AGPS: variants seen among roughly 807,000 people sequenced by gnomAD.
AGPS encodes alkylglycerone phosphate synthase, also known as alkyldihydroxyacetonephosphate synthase, peroxisomal.
A neutral mutation model predicts 90.7 loss-of-function variants in AGPS; 26 were observed. The observed-to-expected ratio is 0.29, with a 90% confidence interval of 0.21 to 0.40. AGPS has a LOEUF of 0.40. AGPS is among the 10% of genes least tolerant of loss of function. The pLI, the probability that AGPS is intolerant of heterozygous loss-of-function variation, is 1.00. For synonymous variants in AGPS, 294 were observed against 285.3 expected (o/e 1.03, Z -0.31); for missense variants, 540 against 816.1 (o/e 0.66, Z 4.12).
At chr2:177,451,184 C>G (rs1686938069) in intron 8 of AGPS, among the ~76,000 whole-genome samples, 1 of 151,838 alleles carries the variant, frequency 6.6e-6, no homozygotes, top group African/African-American at 2.4e-5. Context: ...TGGTCTCAAA[C>G]TTCTCGCTTC....
intron 12 of AGPS, among the ~76,000 whole-genome samples, chr2:177,495,417 C>T (rs1249975137): frequency 1.3e-5 from 2 of 152,112 alleles, no homozygotes; most frequent in East Asian, 1.9e-4. Context: ...ACAAATCATA[C>T]GTGGTAGAGC....
intron 10 of AGPS, among the ~76,000 whole-genome samples, chr2:177,477,679 T>G (rs1474574605): frequency 1.3e-5 from 2 of 152,176 alleles, no homozygotes; most frequent in Non-Finnish European, 2.9e-5. Context: ...GAACTTTTTT[T>G]ATATTACCCA....
At chr2:177,395,869 C>T (rs1685158915) in intron 1 of AGPS, among the ~76,000 whole-genome samples, 1 of 152,144 alleles carries the variant, frequency 6.6e-6, no homozygotes, top group African/African-American at 2.4e-5. Flanking sequence ...ATTCCTGTTA[C>T]AGAATAGTCA....
At chr2:177,407,598 C>G (rs1278621802) in intron 1 of AGPS, among the ~76,000 whole-genome samples, 4 of 152,016 alleles carry the variant, frequency 2.6e-5, no homozygotes, top group Non-Finnish European at 5.9e-5. Flanking sequence ...CAGCACCAAA[C>G]CTTGAGGGAT....
At chr2:177,521,716 C>T (rs1330166752) in intron 18 of AGPS, among the ~76,000 whole-genome samples, 2 of 152,198 alleles carry the variant, frequency 1.3e-5, no homozygotes, top group African/African-American at 2.4e-5. Flanking sequence ...CTGTTGAGGT[C>T]AGCAGCCCTA....
In AGPS at chr2:177,486,186, A is replaced by G. The variant is rs150710827; in HGVS notation, c.1233+4000A>G. 3.3e-3 allele frequency among the ~76,000 whole-genome samples: 510 copies of G among 152,350 alleles called. 5 individuals are homozygous for G. The highest frequency in any genetic ancestry group is 0.011 in the African/African-American group (477 of 41,594). ...CTATTCTCGAGCATTGCTCTTAATA[A>G]TGGAGCAATTGCTAAGAGTAGTTAC... On this transcript the variant is annotated intron_variant, in intron 11 of 19. Coordinates refer to ENST00000264167, the MANE Select transcript of AGPS (RefSeq NM_003659.4).
At chr2:177,495,810 C>T (rs1281236811) in intron 12 of AGPS, among the ~76,000 whole-genome samples, 10 of 147,740 alleles carry the variant, frequency 6.8e-5, no homozygotes, top group African/African-American at 2.2e-4. Context: ...CCCAGCTACT[C>T]GGGAGGCTGA....
chr2:177,526,304 A>G (rs561184651), intron 19 of AGPS, among the ~76,000 whole-genome samples: 250 of 144,676 alleles, frequency 1.7e-3, no homozygotes, highest in Non-Finnish European at 2.9e-3. Flanking sequence ...ATCTCAGCTC[A>G]CTGCAACCAC....
intron 1 of AGPS, among the ~76,000 whole-genome samples, chr2:177,415,609 G>A (rs1359100081): frequency 6.6e-6 from 1 of 152,192 alleles, no homozygotes; most frequent in African/African-American, 2.4e-5. Context: ...GAAGTTTAAA[G>A]TGTTGCATGA....
At chr2:177,403,785 G>A (rs982135359) in intron 1 of AGPS, among the ~76,000 whole-genome samples, 1 of 152,056 alleles carries the variant, frequency 6.6e-6, no homozygotes, top group African/African-American at 2.4e-5. Context: ...TCCTTATCAA[G>A]AAATAATAAT....
chr2:177,392,782 C>T lies in AGPS; in HGVS notation c.-8C>T, dbSNP rs1427725745. On this transcript the variant is annotated 5_prime_UTR_variant, in exon 1 of 20. Transcript: ENST00000264167. ...AGCGGTTCCGGGCGGCAGCACAAGG[C>T]GGTAGCCATGGCGGAGGCGGCGGCT... 5 of 1,483,578 alleles carry T rather than the reference C, an allele frequency of 3.4e-6. No homozygotes were observed. The highest frequency in any genetic ancestry group is 5.1e-5 in the East Asian group (2 of 38,980). The allele number at this position is 1,483,578 out of a possible 1,614,324, so 91.9% of individuals were successfully genotyped here.
intron 15 of AGPS, among the ~76,000 whole-genome samples, chr2:177,507,148 A>G (rs912905849): frequency 2.6e-5 from 4 of 152,110 alleles, no homozygotes; most frequent in Non-Finnish European, 5.9e-5. Context: ...AGAAAAACAC[A>G]TGCTTTAGAT....
At chr2:177,449,816 T>G (rs1686881565) in intron 8 of AGPS, among the ~76,000 whole-genome samples, 2 of 152,092 alleles carry the variant, frequency 1.3e-5, no homozygotes, top group African/African-American at 4.8e-5. Context: ...TCTTTATTGG[T>G]GAAGTTCTCC....
intron 8 of AGPS, among the ~76,000 whole-genome samples, chr2:177,459,403 A>G (rs572423909): frequency 6.6e-6 from 1 of 152,320 alleles, no homozygotes; most frequent in East Asian, 1.9e-4. Flanking sequence ...AATGGGAGAA[A>G]ATTTTTGCAA....
chr2:177,434,997 G>A (rs868096901), intron 3 of AGPS, among the ~76,000 whole-genome samples: 32 of 128,130 alleles, frequency 2.5e-4, no homozygotes, highest in Non-Finnish European at 3.7e-4. Context: ...TAAACTGTAG[G>A]TATATATATA....
At position 177,540,748 on chromosome 2, in the gene AGPS, T is replaced by C. The variant is rs1027837543; in HGVS notation, c.*2553T>C. 1 of 152,152 alleles carries C rather than the reference T, an allele frequency of 6.6e-6. No individual in the cohort carries two copies. The highest frequency in any genetic ancestry group is 2.4e-5 in the African/African-American group (1 of 41,454). The allele number at this position is 152,152 out of a possible 1,614,324, so 9.4% of individuals were successfully genotyped here. A position where few individuals can be genotyped will look rare whatever the true frequency, so the allele number is the denominator to read the frequency against. On this transcript the variant is annotated 3_prime_UTR_variant, in exon 20 of 20. Coordinates refer to ENST00000264167, the MANE Select transcript of AGPS (RefSeq NM_003659.4). ...CTGACTTTCTTAAATTAGTCATAGT[T>C]GCAATAATTTACTTAAATTTGGTAA...
intron 17 of AGPS, among the ~76,000 whole-genome samples, chr2:177,519,728 C>T (rs1313494221): frequency 1.3e-5 from 2 of 152,096 alleles, no homozygotes. Flanking sequence ...GTATTGTTGC[C>T]AGAGTGTGAC....
intron 9 of AGPS, among the ~76,000 whole-genome samples, chr2:177,468,210 G>A (rs941774955): frequency 6.6e-6 from 1 of 151,940 alleles, no homozygotes; most frequent in East Asian, 1.9e-4. Flanking sequence ...TCTTAGAATG[G>A]TTTTTCCCTC....
chr2:177,402,256 A>G (rs1027713358), intron 1 of AGPS, among the ~76,000 whole-genome samples: 31 of 152,342 alleles, frequency 2.0e-4, no homozygotes, highest in African/African-American at 7.2e-4. Flanking sequence ...ATCCAGGCAA[A>G]TGAGTGTTCT....
Sources: allele counts gnomAD v4.1 joint callset (sites outside exome capture counted in the v4.1 genomes callset), GRCh38; gene constraint gnomAD v4.1.1; transcripts MANE v1.5; gene names NCBI Gene and HGNC (gene_info 2026-07-23, HGNC 2026-07-21).